Variants in CLIC5 observed in about 807,000 individuals in gnomAD.
CLIC5 encodes the protein chloride intracellular channel protein 5.
A neutral mutation model predicts 24.7 loss-of-function variants in CLIC5; 20 were observed. The observed-to-expected ratio is 0.81, with a 90% CI of 0.57 to 1.18. CLIC5 has a LOEUF of 1.18. Ranked by LOEUF, CLIC5 falls within the 50% of genes most tolerant of loss-of-function variation. The probability of loss-of-function intolerance (pLI) is 0.00; values close to 1 mark genes in which losing one functional copy is unlikely to be tolerated. For missense variants in CLIC5, 341 were observed against 326.1 expected (o/e 1.05, Z -0.35); for synonymous variants, 159 against 135.6 (o/e 1.17, Z -1.20).
chr6:46,074,891 A>G (rs1450874210), intron 1 of CLIC5, among the ~76,000 whole-genome samples: 1 of 152,236 alleles, frequency 6.6e-6, no homozygotes, highest in Non-Finnish European at 1.5e-5. Context: ...ATGCAAAAGT[A>G]TTGACAAAGT....
the CLIC5 span, among the ~76,000 whole-genome samples, chr6:46,114,964 C>T: frequency 6.6e-6 from 1 of 152,114 alleles, no homozygotes; most frequent in Non-Finnish European, 1.5e-5. Context: ...AACAAGACAG[C>T]TCATTGACAC....
chr6:45,913,644 G>A (rs1762901377), intron 5 of CLIC5: 3 of 509,808 alleles, frequency 5.9e-6, no homozygotes, highest in Non-Finnish European at 6.1e-6. Flanking sequence ...AGATTCCCAG[G>A]GTTTGTTATA....
chr6:46,118,679 C>A, the CLIC5 span, among the ~76,000 whole-genome samples: 2 of 152,176 alleles, frequency 1.3e-5, no homozygotes, highest in Non-Finnish European at 2.9e-5. Context: ...GCCTCAATCC[C>A]AATGATCTCT....
intron 1 of CLIC5, among the ~76,000 whole-genome samples, chr6:46,065,046 A>G (rs931154708): frequency 6.6e-6 from 1 of 152,194 alleles, no homozygotes; most frequent in African/African-American, 2.4e-5. Flanking sequence ...AATTGTCTTG[A>G]CTATATAAAG....
intron 1 of CLIC5, among the ~76,000 whole-genome samples, chr6:46,004,800 A>C (rs879655127): frequency 2.6e-5 from 4 of 152,222 alleles, no homozygotes; most frequent in Non-Finnish European, 4.4e-5. Flanking sequence ...CCTCTCCCAG[A>C]GCCTGTGGGG....
the CLIC5 span, among the ~76,000 whole-genome samples, chr6:46,099,485 T>A: frequency 2.6e-5 from 4 of 151,096 alleles, no homozygotes; most frequent in African/African-American, 7.4e-5. Flanking sequence ...TGGAAAAAAA[T>A]TTAAATATAT....
intron 4 of CLIC5, among the ~76,000 whole-genome samples, chr6:45,932,114 T>G (rs932244346): frequency 6.6e-6 from 1 of 152,152 alleles, no homozygotes; most frequent in Admixed American, 6.5e-5. Flanking sequence ...TAAAGTTTCT[T>G]TTCTTTTTTC....
intron 1 of CLIC5, among the ~76,000 whole-genome samples, chr6:45,970,691 T>A (rs1196021116): frequency 3.3e-5 from 5 of 152,172 alleles, no homozygotes; most frequent in East Asian, 1.9e-4. Flanking sequence ...TTCCTTTGCA[T>A]TTACAAGAGA....
chr6:46,117,118 T>C, the CLIC5 span, among the ~76,000 whole-genome samples: 1 of 152,330 alleles, frequency 6.6e-6, no homozygotes, highest in Non-Finnish European at 1.5e-5. Flanking sequence ...GAGGCTCTTC[T>C]CTACCTAGTG....
chr6:46,015,973 C>A, upstream of CLIC5: 3 of 903,710 alleles, frequency 3.3e-6, no homozygotes, highest in Non-Finnish European at 4.0e-6. Context: ...GGGCCACGGC[C>A]CCCCGCCCCA....
the CLIC5 span, among the ~76,000 whole-genome samples, chr6:46,096,561 C>A: frequency 1.3e-5 from 2 of 152,178 alleles, no homozygotes; most frequent in Non-Finnish European, 2.9e-5. Flanking sequence ...CAGACTTTTG[C>A]CACCTAGTCC....
chr6:46,108,401 T>TGTGTGTGTGTGA, the CLIC5 span, among the ~76,000 whole-genome samples: 2,142 of 141,644 alleles, frequency 0.015, 24 homozygotes, highest in African/African-American at 0.036. Flanking sequence ...TGTGTGTGTG[T>TGTGTGTGTGTGA]GAGAGAGAGA....
intron 1 of CLIC5, among the ~76,000 whole-genome samples, chr6:46,057,778 A>G (rs1768300914): frequency 6.6e-6 from 1 of 152,180 alleles, no homozygotes; most frequent in African/African-American, 2.4e-5. Flanking sequence ...TACAACCTAC[A>G]CAATTAGTGG....
At chr6:45,909,434 T>G (rs1435162199) in intron 5 of CLIC5, among the ~76,000 whole-genome samples, 1 of 152,226 alleles carries the variant, frequency 6.6e-6, no homozygotes, top group Non-Finnish European at 1.5e-5. Context: ...GTTTCCATGT[T>G]TAGAGTCCCT....
chr6:46,079,963 C>A, exon 1 of CLIC5: 1 of 1,551,694 alleles, frequency 6.4e-7, no homozygotes, highest in Non-Finnish European at 8.7e-7. Context: ...CCTGGATGAG[C>A]CTCCTGGAGT....
At chr6:46,045,424 C>T (rs1236470689) in intron 1 of CLIC5, among the ~76,000 whole-genome samples, 3 of 152,136 alleles carry the variant, frequency 2.0e-5, no homozygotes, top group Non-Finnish European at 4.4e-5. Context: ...GGGAATATGA[C>T]TCACCCTGGA....
chr6:46,112,202 T>C, the CLIC5 span, among the ~76,000 whole-genome samples: 1 of 152,198 alleles, frequency 6.6e-6, no homozygotes, highest in African/African-American at 2.4e-5. Flanking sequence ...GGGCGGCATT[T>C]GTATCAGTAG....
At chr6:46,002,142 G>A (rs1281924924) in intron 1 of CLIC5, among the ~76,000 whole-genome samples, 1 of 152,182 alleles carries the variant, frequency 6.6e-6, no homozygotes, top group South Asian at 2.1e-4. Context: ...ATCCTGCGAG[G>A]ACTCGATGGA....
At chr6:45,994,769 C>G (rs1016248629) in intron 1 of CLIC5, among the ~76,000 whole-genome samples, 38 of 152,282 alleles carry the variant, frequency 2.5e-4, no homozygotes, top group African/African-American at 8.9e-4. Context: ...AGTGCCTACA[C>G]CTTTGACCTC....
Sources: allele counts gnomAD v4.1 joint callset (sites outside exome capture counted in the v4.1 genomes callset), GRCh38; gene constraint gnomAD v4.1.1; transcripts MANE v1.5; gene names NCBI Gene and HGNC (gene_info 2026-07-23, HGNC 2026-07-21).